BCKDK: variants seen among roughly 807,000 people sequenced by gnomAD.
BCKDK encodes the protein branched chain keto acid dehydrogenase kinase, also known as branched-chain alpha-ketoacid dehydrogenase kinase.
A neutral mutation model predicts 43.9 loss-of-function variants in BCKDK; 28 were observed. The observed-to-expected ratio is 0.64, with a 90% CI of 0.47 to 0.87. The LOEUF is 0.87. BCKDK is among the 40% of genes least tolerant of loss of function. The probability of loss-of-function intolerance (pLI) is 0.00; values close to 1 mark genes in which losing one functional copy is unlikely to be tolerated. For synonymous variants in BCKDK, 257 were observed against 234.3 expected (o/e 1.10, Z -0.88); for missense variants, 483 against 581.4 (o/e 0.83, Z 1.74).
chr16:31,109,053 G>A lies in BCKDK; in HGVS notation c.-171G>A, dbSNP rs1393272919. 9 of 551,992 alleles carry A rather than the reference G, an allele frequency of 1.6e-5. No homozygotes were observed. Among genetic ancestry groups the A allele is most frequent in the Non-Finnish European group, 2.5e-5 (8 of 324,672 alleles). 34.2% of individuals were successfully genotyped at this position (551,992 alleles called of 1,614,324 possible). On this transcript the variant is annotated 5_prime_UTR_variant, in exon 2 of 12. Transcript: ENST00000219794. This position sits in a 1 kb window ranked among gnomAD's most constrained non-coding sequence, Gnocchi z 5.3. Reference sequence around the variant, plus strand: ...CTCTTCCCCGCCCCGGTAGATGGGAGCTGCTCTCCGCGGGCTGAGCCTGTC... The same window carrying A: ...CTCTTCCCCGCCCCGGTAGATGGGAACTGCTCTCCGCGGGCTGAGCCTGTC...
rs764514534 is a variant in BCKDK at position 31,110,748 on chromosome 16, G to C, written c.703G>C (p.Val235Leu). Residue 235 changes from valine (V) to leucine (L), a missense_variant, in exon 8 of 12, where the codon GTG (valine) becomes CTG (leucine). Val to Leu is a conservative substitution (Grantham distance 32). Coordinates refer to ENST00000219794, the MANE Select transcript of BCKDK (RefSeq NM_005881.4). This position sits in a 1 kb window ranked among gnomAD's most constrained non-coding sequence, Gnocchi z 5.4. ...ACCAAAGAAGATTATTGAGAAGTGG[G>C]TGGACTTTGCCAGGTGAGGCAAGAA... Reference protein sequence around the residue: ...LSPKKIIEKWVDFARRLCEHK... With the variant: ...LSPKKIIEKWLDFARRLCEHK... 1 of 1,614,134 alleles carries C rather than the reference G, an allele frequency of 6.2e-7. No individual in the cohort carries two copies. Among genetic ancestry groups the C allele is most frequent in the Admixed American group, 1.7e-5 (1 of 60,020 alleles).
Position 31,109,459 on chromosome 16 carries a change from C to A in BCKDK, c.195+41C>A. On this transcript the variant is annotated intron_variant, in intron 2 of 11. Transcript: ENST00000219794. This position sits in a 1 kb window ranked among gnomAD's most constrained non-coding sequence, Gnocchi z 5.3. ...GCCAGCCCAGGGTCCGGGATGTAGG[C>A]GGGAGGGAGAGTGTTGGGGGTTCTC... 1 of 1,613,226 alleles carries A rather than the reference C, an allele frequency of 6.2e-7. No homozygotes were observed. The highest frequency in any genetic ancestry group is 1.1e-5 in the South Asian group (1 of 90,978).
chr16:31,116,936 G>GGA (rs1185860096), downstream of BCKDK, among the ~76,000 whole-genome samples: 1 of 119,620 alleles, frequency 8.4e-6, no homozygotes, highest in East Asian at 3.5e-4. Context: ...AAAGGGGGGG[G>GGA]GGCGGGGAGC....
rs1369214573 is a variant in BCKDK at position 31,112,223 on chromosome 16, G to A, written c.1197G>A (p.Arg399=). The change falls in exon 12 of 12, where the codon CGG becomes CGA. Residue 399 remains arginine, a synonymous_variant. Transcript: ENST00000219794. This position sits in a 1 kb window ranked among gnomAD's most constrained non-coding sequence, Gnocchi z 5.0. ...GCATTGGCACGGACGTCTACCTGCG[G>A]CTCCGCCACATCGATGGCCGGGAGG... The part of the protein sequence containing the change: ...LQGIGTDVYL[R]LRHIDGREES... 1 of 1,611,642 alleles carries A rather than the reference G, an allele frequency of 6.2e-7. No homozygotes were observed. Among genetic ancestry groups the A allele is most frequent in the East Asian group, 2.2e-5 (1 of 44,882 alleles).
chr16:31,113,335 C>T (rs2057428445), downstream of BCKDK, among the ~76,000 whole-genome samples: 1 of 152,192 alleles, frequency 6.6e-6, no homozygotes, highest in South Asian at 2.1e-4. Flanking sequence ...AGCCAAATGG[C>T]AGGGGCTAGG....
In BCKDK at chr16:31,112,142, G is replaced by T. The variant is rs111551851; in HGVS notation, c.1116G>T (p.Thr372=). The part of the protein sequence containing the change: ...PMHGFGFGLP[T]SRAYAEYLGG... ...CCAGCTTTGGCTTCGGGTTGCCCAC[G>T]TCACGGGCCTACGCGGAGTACCTCG... is the stretch of plus-strand genomic sequence containing the variant. Residue 372 remains threonine, a synonymous_variant, in exon 12 of 12, where the codon ACG becomes ACT. Coordinates refer to ENST00000219794, the MANE Select transcript of BCKDK (RefSeq NM_005881.4). The surrounding 1 kb of genome is among the most constrained non-coding windows in gnomAD (Gnocchi z 5.0). 1.9e-6 allele frequency: 3 copies of T among 1,612,204 alleles called. No individual in the cohort carries two copies. Among genetic ancestry groups the T allele is most frequent in the Non-Finnish European group, 2.5e-6 (3 of 1,178,816 alleles).
At position 31,110,402 on chromosome 16, in the gene BCKDK, A is replaced by G. The variant is rs201839495; in HGVS notation, c.545A>G (p.Asp182Gly). 1 of 1,613,952 alleles carries G rather than the reference A, an allele frequency of 6.2e-7. No individual in the cohort carries two copies. The highest frequency in any genetic ancestry group is 1.3e-5 in the African/African-American group (1 of 75,014). ...ATTCTGAGACCTCACTCTTTACAGGATGAAAAGCTCGTCCGCTACTTCTTG... is the reference window on the plus strand; with the variant it reads ...ATTCTGAGACCTCACTCTTTACAGGGTGAAAAGCTCGTCCGCTACTTCTTG... ...GLRESRKHIE[D>G]EKLVRYFLDK... is the part of the protein sequence containing the mutation. The change falls in exon 7 of 12, where the codon GAT becomes GGT. Residue 182 changes from aspartate (D) to glycine (G), a missense_variant and splice_region_variant. Physicochemically the swap from Asp to Gly is moderately conservative, Grantham distance 94. Transcript: ENST00000219794. This position sits in a 1 kb window ranked among gnomAD's most constrained non-coding sequence, Gnocchi z 5.4.
chr16:31,116,928 A>G (rs4889618), downstream of BCKDK, among the ~76,000 whole-genome samples: 489 of 27,214 alleles, frequency 0.018, 1 homozygote, highest in African/African-American at 0.03. Flanking sequence ...AAAAAAAAAA[A>G]GGGGGGGGGG....
Position 31,109,865 on chromosome 16 carries a change from A to T in BCKDK, c.375+82A>T. 6.7e-7 allele frequency: 1 copy of T among 1,483,820 alleles called. No homozygotes were observed. Among genetic ancestry groups the T allele is most frequent in the Middle Eastern group, 1.7e-4 (1 of 5,764 alleles). The allele number at this position is 1,483,820 out of a possible 1,614,324, so 91.9% of individuals were successfully genotyped here. Reference sequence around the variant, plus strand: ...AGTCTGGGGCCCAGAGTGGCAGACGATTGCTTGCCTAAAGGTGTCAGGGCC... The same window carrying T: ...AGTCTGGGGCCCAGAGTGGCAGACGTTTGCTTGCCTAAAGGTGTCAGGGCC... On this transcript the variant is annotated intron_variant, in intron 4 of 11. Coordinates refer to ENST00000219794, the MANE Select transcript of BCKDK (RefSeq NM_005881.4). This position sits in a 1 kb window ranked among gnomAD's most constrained non-coding sequence, Gnocchi z 5.3.
intron 10 of BCKDK, 71 bp from the exon 11 acceptor site, chr16:31,111,798 C>G: frequency 6.3e-7 from 1 of 1,576,822 alleles, no homozygotes; most frequent in Non-Finnish European, 8.7e-7. Context: ...AGACTTTGCA[C>G]TGTCTGCTTG....
chr16:31,111,544 G>A (rs76728442), intron 10 of BCKDK, among the ~76,000 whole-genome samples, 155 bp downstream of exon 10: 1,676 of 152,308 alleles, frequency 0.011, 41 homozygotes, highest in African/African-American at 0.038. Flanking sequence ...ATGGCCATGA[G>A]CTGCTTATTA....
In BCKDK at chr16:31,109,501, C is replaced by T. The variant is rs765633763; in HGVS notation, c.196-10C>T. On this transcript the variant is annotated splice_polypyrimidine_tract_variant and intron_variant, in intron 2 of 11. Transcript: ENST00000219794. The surrounding 1 kb of genome is among the most constrained non-coding windows in gnomAD (Gnocchi z 5.3). The stretch of plus-strand genomic sequence containing the variant: ...GGGGTTCTCTGCTCAAGGCCTCTCT[C>T]CCTCTCTAGCCCTCAGTCCGCCTAA... The T allele has an allele frequency of 1.9e-6, 3 of 1,614,068 alleles. No homozygotes were observed. The highest frequency in any genetic ancestry group is 2.5e-6 in the Non-Finnish European group (3 of 1,180,010).
chr16:31,112,034 C>CCCATGCACTGGT lies in BCKDK; in HGVS notation c.1094+9_1094+10insATGCACTGGTCC. 6.2e-7 allele frequency: 1 copy of CCCATGCACTGGT among 1,613,938 alleles called. No homozygotes were observed. The highest frequency in any genetic ancestry group is 2.2e-5 in the East Asian group (1 of 44,882). On this transcript the variant is annotated splice_region_variant and intron_variant, in intron 11 of 11. Coordinates refer to ENST00000219794, the MANE Select transcript of BCKDK (RefSeq NM_005881.4). The surrounding 1 kb of genome is among the most constrained non-coding windows in gnomAD (Gnocchi z 5.0). ...AGTCAGGACCCATGCACGGGTGAGA[C>CCCATGCACTGGT]CCTGCCAGGCCAGGATGGAGGGGTG...
rs568058471 is a variant in BCKDK, at chr16:31,111,055, A to G, written c.717-36A>G. ...GTTTCCAGTTGCAAACCACTGGTGG[A>G]GGGGCCCCTGACTGAACCCTCGCTC... On this transcript the variant is annotated intron_variant, in intron 8 of 11. Transcript: ENST00000219794. 13 of 1,610,152 alleles carry G rather than the reference A, an allele frequency of 8.1e-6. No homozygotes were observed. In the African/African-American group the frequency reaches 1.7e-4, roughly 21 times the overall value.
chr16:31,113,832 A>G (rs1160756023), downstream of BCKDK, among the ~76,000 whole-genome samples: 1 of 152,098 alleles, frequency 6.6e-6, no homozygotes, highest in Non-Finnish European at 1.5e-5. Flanking sequence ...GAGAGGATTC[A>G]TGTCCACGTG....
At chr16:31,115,844 A>T (rs546200092), downstream of BCKDK, 6 of 152,180 alleles carry the variant, frequency 3.9e-5, no homozygotes, top group East Asian at 9.7e-4. Context: ...TGTATTTTCA[A>T]CCCGCTCTTC....
chr16:31,110,174 C>T lies in BCKDK; in HGVS notation c.424-31C>T. On this transcript the variant is annotated intron_variant, in intron 5 of 11. Transcript: ENST00000219794. This position sits in a 1 kb window ranked among gnomAD's most constrained non-coding sequence, Gnocchi z 5.4. ...GAGGGGCTGAGAGGTTGGGCTTGGA[C>T]CACCCTTCCTCATGACTCTGTGACC... 6.8e-6 allele frequency: 11 copies of T among 1,614,144 alleles called. No individual in the cohort carries two copies. Among genetic ancestry groups the T allele is most frequent in the Non-Finnish European group, 9.3e-6 (11 of 1,180,028 alleles).
rs780042752 is a variant in BCKDK at position 31,110,813 on chromosome 16, T to C, written c.716+52T>C. 6.3e-7 allele frequency: 1 copy of C among 1,585,524 alleles called. No homozygotes were observed. The highest frequency in any genetic ancestry group is 8.7e-7 in the Non-Finnish European group (1 of 1,154,274). On this transcript the variant is annotated intron_variant, in intron 8 of 11. Transcript: ENST00000219794. The surrounding 1 kb of genome is among the most constrained non-coding windows in gnomAD (Gnocchi z 5.4). ...GGCAGACATCTGGGGCAGGGAAGGCTTGGGTCTGAGCCCTTGCCCGGGGCA... is the reference window on the plus strand; with the variant it reads ...GGCAGACATCTGGGGCAGGGAAGGCCTGGGTCTGAGCCCTTGCCCGGGGCA...
At position 31,109,747 on chromosome 16, in the gene BCKDK, T is replaced by C. The variant is rs1004418237; in HGVS notation, c.339T>C (p.Pro113=). The C allele has an allele frequency of 1.9e-6, 3 of 1,613,774 alleles. No individual in the cohort carries two copies. The highest frequency in any genetic ancestry group is 2.5e-6 in the Non-Finnish European group (3 of 1,180,020). Residue 113 remains proline (P), a synonymous_variant, in exon 4 of 12, where the codon CCT becomes CCC. Transcript: ENST00000219794. This position sits in a 1 kb window ranked among gnomAD's most constrained non-coding sequence, Gnocchi z 5.3. Reference sequence around the variant, plus strand: ...GCATCAAGGGCTTCCGCTGCCTTCCTTTCATCATTGGCTGCAACCCCACCA... The same window carrying C: ...GCATCAAGGGCTTCCGCTGCCTTCCCTTCATCATTGGCTGCAACCCCACCA... The part of the protein sequence containing the change: ...AHRIKGFRCL[P]FIIGCNPTIL...
Sources: gnomAD v4.1 joint callset for allele counts (sites outside exome capture counted in the v4.1 genomes callset) on GRCh38, gnomAD v4.1.1 for gene constraint, Gnocchi (gnomAD v3.1) non-coding constraint, MANE v1.5 for transcripts, NCBI Gene and HGNC (gene_info 2026-07-23, HGNC 2026-07-21) for gene names.